SPINT2: variants seen among roughly 807,000 people sequenced by gnomAD.
SPINT2 encodes the protein kunitz-type protease inhibitor 2.
Under a neutral mutation model 30.1 loss-of-function variants are expected in SPINT2, and 18 were observed. The ratio of observed to expected loss-of-function variants is 0.60; its 90% CI spans 0.41 to 0.89. The LOEUF is 0.89. Ranked by LOEUF, SPINT2 falls within the 40% of genes least tolerant of loss-of-function variation. The probability of loss-of-function intolerance (pLI) is 0.00; values close to 1 mark genes in which losing one functional copy is unlikely to be tolerated. For missense variants in SPINT2, 276 were observed against 334.3 expected (o/e 0.83, Z 1.36); for synonymous variants, 139 against 137.9 (o/e 1.01, Z -0.05).
At chr19:38,273,462 G>C (rs993891711) in intron 1 of SPINT2, among the ~76,000 whole-genome samples, 1 of 152,158 alleles carries the variant, frequency 6.6e-6, no homozygotes, top group African/African-American at 2.4e-5. Flanking sequence ...GCCTCCCAGA[G>C]TGCTGGGCTT....
chr19:38,268,931 A>G (rs1968414772), intron 1 of SPINT2, among the ~76,000 whole-genome samples: 1 of 152,092 alleles, frequency 6.6e-6, no homozygotes, highest in African/African-American at 2.4e-5. Flanking sequence ...ACACCAGGCC[A>G]GATCATATAT....
At position 38,264,873 on chromosome 19, in the gene SPINT2, G is replaced by T. The variant is rs928802607; in HGVS notation, c.-20G>T. 3 of 1,531,854 alleles carry T rather than the reference G, an allele frequency of 2.0e-6. No homozygotes were observed. In the African/African-American group the frequency reaches 4.1e-5, roughly 21 times the overall value. 94.9% of individuals were successfully genotyped at this position (1,531,854 alleles called of 1,614,324 possible). On this transcript the variant is annotated 5_prime_UTR_variant, in exon 1 of 7. Coordinates refer to ENST00000301244, the MANE Select transcript of SPINT2 (RefSeq NM_021102.4). ...CCCAACGGCTGGTGGCGTCGCCTGC[G>T]CGTCTCGGCTGAGCTGGCCATGGCG...
At chr19:38,273,053 A>G (rs1056398198) in intron 1 of SPINT2, among the ~76,000 whole-genome samples, 1 of 152,066 alleles carries the variant, frequency 6.6e-6, no homozygotes, top group Non-Finnish European at 1.5e-5. Context: ...TAAATATTTT[A>G]TATAGAAAAT....
Position 38,292,057 on chromosome 19 carries a change from CT to C in SPINT2, c.*58del. 1.2e-6 allele frequency: 2 copies of C among 1,603,062 alleles called. No individual in the cohort carries two copies. The highest frequency in any genetic ancestry group is 1.7e-6 in the Non-Finnish European group (2 of 1,174,898). The stretch of plus-strand genomic sequence containing the variant: ...GAAGGGAGGGGAGACTATGTGTGAG[CT>C]TTTTTTAAATAGAGGGATTGACTCG... On this transcript the variant is annotated 3_prime_UTR_variant, in exon 7 of 7. Coordinates refer to ENST00000301244, the MANE Select transcript of SPINT2 (RefSeq NM_021102.4).
chr19:38,283,398 ATACAGTTCAGTGGGTGGGTTGCTGTCTT>A (rs1261859875), intron 1 of SPINT2, among the ~76,000 whole-genome samples: 15 of 152,170 alleles, frequency 9.9e-5, no homozygotes, highest in African/African-American at 3.4e-4. Flanking sequence ...CACAACTGAA[ATACAGTTCAGTGGGTGGGTTGCTGTCTT>A]TATTGTTGGG....
chr19:38,278,095 A>G (rs954285885), intron 1 of SPINT2, among the ~76,000 whole-genome samples: 4 of 152,212 alleles, frequency 2.6e-5, no homozygotes, highest in African/African-American at 9.6e-5. Flanking sequence ...ATAACTTTCT[A>G]AAAATGTGTC....
Position 38,264,879 on chromosome 19 carries a change from C to A in SPINT2, c.-14C>A. The A allele has an allele frequency of 1.3e-6, 2 of 1,533,090 alleles. No individual in the cohort carries two copies. The highest frequency in any genetic ancestry group is 1.2e-5 in the South Asian group (1 of 83,828). 95.0% of individuals were successfully genotyped at this position (1,533,090 alleles called of 1,614,324 possible). The stretch of plus-strand genomic sequence containing the variant: ...GGCTGGTGGCGTCGCCTGCGCGTCT[C>A]GGCTGAGCTGGCCATGGCGCAGCTG... On this transcript the variant is annotated 5_prime_UTR_variant, in exon 1 of 7. Transcript: ENST00000301244.
intron 2 of SPINT2, among the ~76,000 whole-genome samples, chr19:38,286,051 G>C (rs1168650138): frequency 6.6e-6 from 1 of 152,138 alleles, no homozygotes; most frequent in Non-Finnish European, 1.5e-5. Flanking sequence ...CGCCTTGCAG[G>C]TCCAGAAAGC....
At chr19:38,278,157 G>A (rs919132763) in intron 1 of SPINT2, among the ~76,000 whole-genome samples, 1 of 152,080 alleles carries the variant, frequency 6.6e-6, no homozygotes, top group Non-Finnish European at 1.5e-5. Context: ...GTTGGTGTCC[G>A]TGACCCTGTC....
intron 1 of SPINT2, among the ~76,000 whole-genome samples, chr19:38,281,117 G>A (rs751916105): frequency 6.6e-6 from 1 of 152,114 alleles, no homozygotes; most frequent in African/African-American, 2.4e-5. Flanking sequence ...GTTGGGGTGG[G>A]CAGAGTCACA....
chr19:38,269,668 T>C (rs1968426477), intron 1 of SPINT2, among the ~76,000 whole-genome samples: 1 of 149,180 alleles, frequency 6.7e-6, no homozygotes, highest in Non-Finnish European at 1.5e-5. Flanking sequence ...CGGAGTGCAG[T>C]GGCGCGTTCT....
At chr19:38,276,597 G>A (rs1056030851) in intron 1 of SPINT2, among the ~76,000 whole-genome samples, 2 of 151,712 alleles carry the variant, frequency 1.3e-5, no homozygotes, top group Non-Finnish European at 1.5e-5. Context: ...AGCCAAGATC[G>A]CACCACTGCA....
At chr19:38,265,059 G>T in intron 1 of SPINT2, 61 bp downstream of exon 1, 3 of 1,386,078 alleles carry the variant, frequency 2.2e-6, no homozygotes, top group Non-Finnish European at 2.9e-6. Flanking sequence ...GGGGGTCAAC[G>T]GGGGTCTGAG....
chr19:38,292,201 C>A lies in SPINT2; in HGVS notation c.*195C>A. On this transcript the variant is annotated 3_prime_UTR_variant, in exon 7 of 7. Transcript: ENST00000301244. ...CTCTAGGAGGCTCCTCCTCGCATGG[C>A]CTGCAGTCTGGCAGCAGCCCCGAGT... 1.5e-6 allele frequency: 1 copy of A among 673,130 alleles called. No individual in the cohort carries two copies. Among genetic ancestry groups the A allele is most frequent in the Non-Finnish European group, 2.5e-6 (1 of 404,030 alleles). The allele number at this position is 673,130 out of a possible 1,614,324, so 41.7% of individuals were successfully genotyped here.
At chr19:38,270,611 G>A (rs758237510) in intron 1 of SPINT2, among the ~76,000 whole-genome samples, 1 of 152,166 alleles carries the variant, frequency 6.6e-6, no homozygotes, top group African/African-American at 2.4e-5. Flanking sequence ...GAAGGTTGAG[G>A]GCCTTGCCTT....
chr19:38,270,886 A>G (rs1968447023), intron 1 of SPINT2, among the ~76,000 whole-genome samples: 1 of 152,210 alleles, frequency 6.6e-6, no homozygotes, highest in Non-Finnish European at 1.5e-5. Flanking sequence ...AGCAGGAGTC[A>G]CACTGAAATG....
At chr19:38,269,133 C>G (rs1165984457) in intron 1 of SPINT2, among the ~76,000 whole-genome samples, 1 of 152,052 alleles carries the variant, frequency 6.6e-6, no homozygotes, top group Non-Finnish European at 1.5e-5. Context: ...GAGTCTCTCT[C>G]ATCGCCCAGT....
rs1280743091 is a variant in SPINT2, at chr19:38,292,413, A to G, written c.*407A>G. On this transcript the variant is annotated 3_prime_UTR_variant, in exon 7 of 7. Coordinates refer to ENST00000301244, the MANE Select transcript of SPINT2 (RefSeq NM_021102.4). ...TTCTGAAAGAAGGAAAGTAAAATGT[A>G]CAAGTTTAATAAAAAGGGGCCTTCC... 5.8e-6 allele frequency: 1 copy of G among 172,242 alleles called. No individual in the cohort carries two copies. Among genetic ancestry groups the G allele is most frequent in the Non-Finnish European group, 1.3e-5 (1 of 79,222 alleles). 10.7% of individuals were successfully genotyped at this position (172,242 alleles called of 1,614,324 possible). A position where few individuals can be genotyped will look rare whatever the true frequency, so the allele number is the denominator to read the frequency against.
intron 1 of SPINT2, among the ~76,000 whole-genome samples, chr19:38,278,853 G>A (rs1274717970): frequency 6.6e-6 from 1 of 152,106 alleles, no homozygotes; most frequent in Admixed American, 6.6e-5. Flanking sequence ...AAAATGCACT[G>A]TTGTTATTTG....
Sources: allele counts gnomAD v4.1 joint callset (sites outside exome capture counted in the v4.1 genomes callset), GRCh38; gene constraint gnomAD v4.1.1; transcripts MANE v1.5; gene names NCBI Gene and HGNC (gene_info 2026-07-23, HGNC 2026-07-21).